SEC23IP: variants seen among roughly 807,000 people sequenced by gnomAD.
SEC23IP encodes the protein SEC23 interacting protein.
SEC23IP carries 70 observed loss-of-function variants against 113.4 expected under a neutral mutation model. The ratio of observed to expected loss-of-function variants is 0.62; its 90% CI spans 0.51 to 0.75. SEC23IP has a LOEUF of 0.75. SEC23IP is among the 30% of genes least tolerant of loss of function. The pLI is 0.00. For synonymous variants in SEC23IP, 398 were observed against 421.0 expected (o/e 0.95, Z 0.67); for missense variants, 1,160 against 1,204.9 (o/e 0.96, Z 0.55).
intron 9 of SEC23IP, 96 bp from the exon 10 acceptor site, chr10:119,918,297 A>G: frequency 1.3e-6 from 1 of 780,052 alleles, no homozygotes; most frequent in Non-Finnish European, 2.1e-6. Flanking sequence ...AATAACATGT[A>G]ACTTCTGTAT....
In SEC23IP at chr10:119,898,410, C is replaced by T. The variant is rs752818129; in HGVS notation, c.164-17C>T. 1 of 1,600,218 alleles carries T rather than the reference C, an allele frequency of 6.2e-7. No individual in the cohort carries two copies. The highest frequency in any genetic ancestry group is 8.5e-7 in the Non-Finnish European group (1 of 1,172,658). On this transcript the variant is annotated splice_polypyrimidine_tract_variant and intron_variant, in intron 1 of 18. Transcript: ENST00000369075. ...TAGAGTACCCTTTAAACCACATGCT[C>T]TCCTGTTCCATTTCAGAGGATTCCA...
In SEC23IP at chr10:119,917,969, A is replaced by G. The variant is rs1183145646; in HGVS notation, c.1678A>G (p.Asn560Asp). Residue 560 changes from asparagine (N) to aspartate (D), a missense_variant, in exon 9 of 19, where the codon AAC becomes GAC. Asn to Asp is a conservative substitution (Grantham distance 23). Coordinates refer to ENST00000369075, the MANE Select transcript of SEC23IP (RefSeq NM_007190.4). ...TIVEKVGMEI[N>D]HLHALFMSRN... ...TGTGGAAAAAGTAGGAATGGAGATA[A>G]ACCATCTGCATGCACTCTTTATGAG... 1 of 1,613,950 alleles carries G rather than the reference A, an allele frequency of 6.2e-7. No individual in the cohort carries two copies. The highest frequency in any genetic ancestry group is 8.5e-7 in the Non-Finnish European group (1 of 1,179,940).
At position 119,904,136 on chromosome 10, in the gene SEC23IP, T is replaced by C. The variant is rs1186450185; in HGVS notation, c.960T>C (p.Asp320=). The change falls in exon 4 of 19, where the codon GAT becomes GAC. Residue 320 remains aspartate (D), a synonymous_variant. Coordinates refer to ENST00000369075, the MANE Select transcript of SEC23IP (RefSeq NM_007190.4). The part of the protein sequence containing the change: ...VVLGTDGGRY[D]VYLYDRIRKA... ...TTGGCACGGATGGAGGGCGCTACGA[T>C]GTTTACCTCTATGACCGAATAAGGA... 3 of 1,614,238 alleles carry C rather than the reference T, an allele frequency of 1.9e-6. No individual in the cohort carries two copies. Among genetic ancestry groups the C allele is most frequent in the Non-Finnish European group, 1.7e-6 (2 of 1,180,052 alleles).
At chr10:119,928,537 G>T (rs1855493212) in intron 13 of SEC23IP, among the ~76,000 whole-genome samples, 1 of 152,128 alleles carries the variant, frequency 6.6e-6, no homozygotes, top group Non-Finnish European at 1.5e-5. Flanking sequence ...TCACTCACTG[G>T]CTCTGTGTTC....
Position 119,933,755 on chromosome 10 carries a change from GC to G in SEC23IP, c.2995del (p.Gln999SerfsTer46). On this transcript the variant is annotated frameshift_variant, in exon 18 of 19. Transcript: ENST00000369075. LOFTEE classifies it high-confidence loss of function. ...YRTMNISPEQ[P>X]QH ...GAACAATGAACATTAGTCCAGAACA[GC>G]CCCAGCATTGATCAAACTTCAGTTT... is the stretch of plus-strand genomic sequence containing the variant. The G allele has an allele frequency of 1.3e-6, 2 of 1,578,494 alleles. No homozygotes were observed. Among genetic ancestry groups the G allele is most frequent in the Non-Finnish European group, 1.7e-6 (2 of 1,148,304 alleles).
chr10:119,920,336 A>C (rs1855209573), intron 11 of SEC23IP, among the ~76,000 whole-genome samples: 1 of 152,222 alleles, frequency 6.6e-6, no homozygotes, highest in Admixed American at 6.5e-5. Context: ...CATTAGAGAC[A>C]CCATTGGTGT....
chr10:119,910,494 T>A (rs1854821618), intron 5 of SEC23IP, among the ~76,000 whole-genome samples: 1 of 152,204 alleles, frequency 6.6e-6, no homozygotes, highest in Non-Finnish European at 1.5e-5. Flanking sequence ...TTTATTCATT[T>A]GTTTTTATAG....
chr10:119,893,645 G>A (rs544069402), intron 1 of SEC23IP, among the ~76,000 whole-genome samples: 108 of 149,262 alleles, frequency 7.2e-4, no homozygotes, highest in Non-Finnish European at 1.4e-3. Flanking sequence ...TCAGCCTCCC[G>A]AGTAGCTGGG....
chr10:119,893,048 T>C, intron 1 of SEC23IP, 103 bp downstream of exon 1: 1 of 1,278,006 alleles, frequency 7.8e-7, no homozygotes, highest in Admixed American at 2.4e-5. Flanking sequence ...AGCTACCCTC[T>C]GGATAGCTTG....
chr10:119,909,141 T>C lies in SEC23IP; in HGVS notation c.1191+11T>C. The C allele has an allele frequency of 6.4e-7, 1 of 1,562,086 alleles. No individual in the cohort carries two copies. The highest frequency in any genetic ancestry group is 8.7e-7 in the Non-Finnish European group (1 of 1,146,888). ...ATGCACAATCCAAAGGTAATGATGG[T>C]GTTCAAAATTTTAAGGTATTAAGTT... On this transcript the variant is annotated intron_variant, in intron 5 of 18. Transcript: ENST00000369075.
chr10:119,925,113 C>T (rs750951503), intron 12 of SEC23IP, among the ~76,000 whole-genome samples: 2 of 152,124 alleles, frequency 1.3e-5, no homozygotes, highest in African/African-American at 2.4e-5. Flanking sequence ...TGAGTTTTCA[C>T]GATTGTATGC....
intron 6 of SEC23IP, chr10:119,914,425 G>A: frequency 2.8e-6 from 1 of 356,558 alleles, no homozygotes; most frequent in Non-Finnish European, 5.2e-6. Context: ...GTCCTGGGGA[G>A]TTCTGAAGCA....
In SEC23IP at chr10:119,933,181, A is replaced by C; in HGVS notation, c.2921+14A>C. 1.2e-6 allele frequency: 2 copies of C among 1,610,808 alleles called. No homozygotes were observed. Among genetic ancestry groups the C allele is most frequent in the Non-Finnish European group, 1.7e-6 (2 of 1,178,186 alleles). ...CTTATGCTATTGGTAAGTGTTCTTA[A>C]ATTTGGTAACATTTGAGTGGGCTTT... On this transcript the variant is annotated intron_variant, in intron 17 of 18. Coordinates refer to ENST00000369075, the MANE Select transcript of SEC23IP (RefSeq NM_007190.4).
chr10:119,922,158 G>A (rs1251107358), intron 12 of SEC23IP, among the ~76,000 whole-genome samples: 1 of 152,060 alleles, frequency 6.6e-6, no homozygotes, highest in South Asian at 2.1e-4. Context: ...GATGAGAGGT[G>A]GCAGTTCTGG....
At chr10:119,910,926 C>T (rs1001995886) in intron 5 of SEC23IP, among the ~76,000 whole-genome samples, 6 of 152,046 alleles carry the variant, frequency 3.9e-5, no homozygotes, top group Non-Finnish European at 1.5e-5. Flanking sequence ...CTCAAGTCTT[C>T]CTCCTGCCTC....
At chr10:119,924,115 T>A (rs540320503) in intron 12 of SEC23IP, among the ~76,000 whole-genome samples, 1 of 152,344 alleles carries the variant, frequency 6.6e-6, no homozygotes, top group East Asian at 1.9e-4. Flanking sequence ...TCTAAAACAT[T>A]AACGGTGGAA....
Position 119,898,850 on chromosome 10 carries a change from T to C in SEC23IP, c.587T>C (p.Ile196Thr), listed in dbSNP as rs754765272. The C allele has an allele frequency of 2.1e-5, 34 of 1,612,538 alleles. No homozygotes were observed. In the South Asian group the frequency reaches 3.5e-4, roughly 17 times the overall value. ...TPGSSRANPYIAPPQLQQCQT... is the reference protein window; with the variant it reads ...TPGSSRANPYTAPPQLQQCQT... ...GGCAGCAGCAGGGCTAATCCTTACA[T>C]TGCACCACCCCAGCTGCAGCAGTGC... The change falls in exon 2 of 19, where the codon ATT becomes ACT. Residue 196 changes from isoleucine (I) to threonine (T), a missense_variant. Physicochemically the swap from Ile to Thr is moderately conservative, Grantham distance 89. Transcript: ENST00000369075.
At chr10:119,909,231 A>G (rs1854777779) in intron 5 of SEC23IP, 101 bp downstream of exon 5, 5 of 701,676 alleles carry the variant, frequency 7.1e-6, no homozygotes, top group Admixed American at 3.0e-5. Flanking sequence ...TACAGTGGGA[A>G]TGTTTTTGTA....
In SEC23IP at chr10:119,917,697, A is replaced by T. The variant is rs990544741; in HGVS notation, c.1545-139A>T. The T allele has an allele frequency of 2.2e-5, 14 of 636,286 alleles. 1 individual carries two copies. In the South Asian group the frequency reaches 2.8e-4, roughly 13 times the overall value. The allele number at this position is 636,286 out of a possible 1,614,324, so 39.4% of individuals were successfully genotyped here. On this transcript the variant is annotated intron_variant, in intron 8 of 18. Coordinates refer to ENST00000369075, the MANE Select transcript of SEC23IP (RefSeq NM_007190.4). ...TCTGGCCTATCTTGATTTATTTATAATGACTATCTACAGAAACAACTCATA... is the reference window on the plus strand; with the variant it reads ...TCTGGCCTATCTTGATTTATTTATATTGACTATCTACAGAAACAACTCATA...
Sources: allele counts gnomAD v4.1 joint callset (sites outside exome capture counted in the v4.1 genomes callset), GRCh38; gene constraint gnomAD v4.1.1; transcripts MANE v1.5; gene names NCBI Gene and HGNC (gene_info 2026-07-23, HGNC 2026-07-21).